Variants in GRIA2 observed in about 807,000 individuals in gnomAD.
The protein encoded by GRIA2 is glutamate receptor 2.
A neutral mutation model predicts 97.3 loss-of-function variants in GRIA2; 14 were observed. The ratio of observed to expected loss-of-function variants is 0.14; its 90% CI spans 0.10 to 0.23. The LOEUF (loss-of-function observed/expected upper bound fraction) is 0.23. Ranked by LOEUF, GRIA2 falls within the 10% of genes least tolerant of loss-of-function variation. The pLI is 1.00. For synonymous variants in GRIA2, 412 were observed against 387.8 expected (o/e 1.06, Z -0.73); for missense variants, 558 against 1,069.8 (o/e 0.52, Z 6.67).
rs150002628 is a variant in GRIA2 at position 157,312,802 on chromosome 4, A to G, written c.593A>G (p.Asp198Gly). The G allele has an allele frequency of 1.1e-5, 18 of 1,611,264 alleles. No individual in the cohort carries two copies. The highest frequency in any genetic ancestry group is 1.5e-5 in the Non-Finnish European group (18 of 1,177,754). Residue 198 changes from aspartate to glycine, a missense_variant, in exon 4 of 16, where the codon GAT (aspartate) becomes GGT (glycine). Physicochemically the swap from Asp to Gly is moderately conservative, Grantham distance 94 (BLOSUM62 -1). This residue lies in a region of GRIA2 where 173 missense variants were observed against 209.1 expected (regional missense o/e 0.83). Coordinates refer to ENST00000264426, the MANE Select transcript of GRIA2 (RefSeq NM_001083619.3). The part of the protein sequence containing the change: ...KDEMYRSLFQ[D>G]LELKKERRVI... ...GAGATGTACCGATCACTTTTTCAAG[A>G]TCTGGAGTTAAAAAAGGAACGGCGT...
chr4:157,320,871 CAA>C (rs1734530720), intron 5 of GRIA2, among the ~76,000 whole-genome samples: 1 of 151,942 alleles, frequency 6.6e-6, no homozygotes, highest in Non-Finnish European at 1.5e-5. Flanking sequence ...TGCAATAACA[CAA>C]GATAAATTTT....
chr4:157,261,385 T>C (rs1731526457), intron 2 of GRIA2, among the ~76,000 whole-genome samples: 1 of 152,158 alleles, frequency 6.6e-6, no homozygotes, highest in Non-Finnish European at 1.5e-5. Flanking sequence ...ATAATATTTG[T>C]CTACATTGCC....
intron 2 of GRIA2, among the ~76,000 whole-genome samples, chr4:157,293,852 A>G (rs1733216260): frequency 6.6e-6 from 1 of 152,124 alleles, no homozygotes; most frequent in Non-Finnish European, 1.5e-5. Context: ...TAATTTTACC[A>G]GGACTCAATG....
At chr4:157,308,276 T>C (rs896146150) in intron 3 of GRIA2, among the ~76,000 whole-genome samples, 1 of 152,148 alleles carries the variant, frequency 6.6e-6, no homozygotes, top group Non-Finnish European at 1.5e-5. Context: ...TTTAGGAAGA[T>C]TGTCATTTTA....
At chr4:157,293,887 T>C (rs530051833) in intron 2 of GRIA2, among the ~76,000 whole-genome samples, 1 of 152,248 alleles carries the variant, frequency 6.6e-6, no homozygotes, top group East Asian at 1.9e-4. Flanking sequence ...GAGTCCATTA[T>C]GCTAAAGATA....
At chr4:157,241,845 GA>G (rs1276550995) in intron 2 of GRIA2, among the ~76,000 whole-genome samples, 2 of 152,006 alleles carry the variant, frequency 1.3e-5, no homozygotes, top group Non-Finnish European at 2.9e-5. Context: ...TCTAAGTGTT[GA>G]TGAAAACGAT....
At chr4:157,363,188 A>G in intron 15 of GRIA2, 141 bp downstream of exon 15, 1 of 904,984 alleles carries the variant, frequency 1.1e-6, no homozygotes, top group Non-Finnish European at 1.7e-6. Flanking sequence ...CCAGTTGGTG[A>G]CTAACCTGCA....
chr4:157,351,669 T>C (rs958534473), intron 12 of GRIA2, among the ~76,000 whole-genome samples: 2 of 152,200 alleles, frequency 1.3e-5, no homozygotes, highest in African/African-American at 4.8e-5. Context: ...AATCCCCATG[T>C]GTCAAGGAAG....
chr4:157,355,621 T>A (rs1396274967), intron 12 of GRIA2, among the ~76,000 whole-genome samples: 3 of 139,622 alleles, frequency 2.1e-5, no homozygotes, highest in South Asian at 4.2e-4. Context: ...TATTTATTTA[T>A]ATATATTTAT....
chr4:157,280,150 A>G (rs186431049), intron 2 of GRIA2, among the ~76,000 whole-genome samples: 1 of 152,226 alleles, frequency 6.6e-6, no homozygotes, highest in East Asian at 1.9e-4. Context: ...AACAAGTATG[A>G]CTCACATAAA....
chr4:157,263,385 G>GT (rs909808407), intron 2 of GRIA2, among the ~76,000 whole-genome samples: 97 of 148,920 alleles, frequency 6.5e-4, no homozygotes, highest in African/African-American at 9.8e-4. Context: ...CATTTGAAGA[G>GT]TTTTTTTTTT....
At chr4:157,344,234 A>T (rs1011673352) in intron 12 of GRIA2, among the ~76,000 whole-genome samples, 1 of 152,090 alleles carries the variant, frequency 6.6e-6, no homozygotes, top group East Asian at 1.9e-4. Flanking sequence ...TATTGGCTGT[A>T]GTGTGGTTGA....
intron 2 of GRIA2, among the ~76,000 whole-genome samples, chr4:157,270,747 G>A (rs17035920): frequency 0.36 from 54,817 of 151,766 alleles, 10,401 homozygotes; most frequent in African/African-American, 0.47. Flanking sequence ...GGAACATTGG[G>A]CCCAGATTGG....
rs1346490861 is a variant in GRIA2 at position 157,364,997 on chromosome 4, A to C, written c.*1566A>C. 1 of 151,544 alleles carries C rather than the reference A, an allele frequency of 6.6e-6. No homozygotes were observed. The highest frequency in any genetic ancestry group is 1.5e-5 in the Non-Finnish European group (1 of 67,666). The allele number at this position is 151,544 out of a possible 1,614,324, so 9.4% of individuals were successfully genotyped here. A position where few individuals can be genotyped will look rare whatever the true frequency, so the allele number is the denominator to read the frequency against. On this transcript the variant is annotated 3_prime_UTR_variant, in exon 16 of 16. Coordinates refer to ENST00000264426, the MANE Select transcript of GRIA2 (RefSeq NM_001083619.3). ...CTCTTATTTCCATTAAAGCCCCCCA[A>C]GTTTAATTAATTTAGGATTTTGAAT... is the stretch of plus-strand genomic sequence containing the variant.
At chr4:157,300,876 C>T (rs1488486932) in intron 2 of GRIA2, among the ~76,000 whole-genome samples, 3 of 152,130 alleles carry the variant, frequency 2.0e-5, no homozygotes, top group African/African-American at 7.2e-5. Context: ...CTTGACAACT[C>T]ACTCCAGGGC....
In GRIA2 at chr4:157,342,264, C is replaced by T. The variant is rs988684860; in HGVS notation, c.2043+802C>T. 11 of 982,816 alleles carry T rather than the reference C, an allele frequency of 1.1e-5. 1 individual carries two copies. In the South Asian group the frequency reaches 1.4e-4, roughly 13 times the overall value. The allele number at this position is 982,816 out of a possible 1,614,324, so 60.9% of individuals were successfully genotyped here. ...CAGTGAAATCTAGTCCAGCTTATTC[C>T]GGAATTAGGATTAGGACCTTCAAAT... is the stretch of plus-strand genomic sequence containing the variant. On this transcript the variant is annotated intron_variant, in intron 12 of 15. Transcript: ENST00000264426.
At chr4:157,221,594 C>A (rs1370084180) in intron 1 of GRIA2, 73 bp from the exon 2 acceptor site, 11 of 1,490,788 alleles carry the variant, frequency 7.4e-6, no homozygotes, top group Middle Eastern at 1.9e-4. Flanking sequence ...GATTTTTGGG[C>A]GCTAGCGCGC....
In GRIA2 at chr4:157,277,286, C is replaced by T. The variant is rs531090039; in HGVS notation, c.230-26266C>T. On this transcript the variant is annotated intron_variant, in intron 2 of 15. Coordinates refer to ENST00000264426, the MANE Select transcript of GRIA2 (RefSeq NM_001083619.3). The stretch of plus-strand genomic sequence containing the variant: ...CATCAACAAACTAAAAAAGAAAGAT[C>T]GCATAATCATATCATATGCAGAAAA... Among the ~76,000 whole-genome samples, 7 of 151,914 alleles carry T rather than the reference C, an allele frequency of 4.6e-5. No individual in the cohort carries two copies. The South Asian group carries it at 6.2e-4, about 14-fold the overall frequency.
intron 12 of GRIA2, chr4:157,342,108 A>G (rs760601305): frequency 1.2e-4 from 113 of 973,392 alleles, no homozygotes; most frequent in Non-Finnish European, 1.3e-4. Context: ...TCTTTCTACT[A>G]TTGTGTGTAT....
Sources: allele counts gnomAD v4.1 joint callset (sites outside exome capture counted in the v4.1 genomes callset), GRCh38; gene constraint gnomAD v4.1.1; regional missense constraint gnomAD v4.1.1; transcripts MANE v1.5; gene names NCBI Gene and HGNC (gene_info 2026-07-23, HGNC 2026-07-21).